Variants in EXOC2 observed in about 807,000 individuals in gnomAD.
EXOC2 encodes the protein exocyst complex component 2, also known as SEC5-like 1.
EXOC2 carries 70 observed loss-of-function variants against 131.8 expected under a neutral mutation model. The observed-to-expected ratio is 0.53, with a 90% CI of 0.44 to 0.65. EXOC2 has a LOEUF of 0.65. Ranked by LOEUF, EXOC2 falls within the 30% of genes least tolerant of loss-of-function variation. EXOC2 has a pLI of 0.00. For synonymous variants in EXOC2, 411 were observed against 398.4 expected (o/e 1.03, Z -0.38); for missense variants, 923 against 1,108.6 (o/e 0.83, Z 2.38).
intron 26 of EXOC2, among the ~76,000 whole-genome samples, chr6:490,500 T>A (rs1398010113): frequency 6.6e-6 from 1 of 152,218 alleles, no homozygotes; most frequent in East Asian, 1.9e-4. Context: ...GTTGCAAAGC[T>A]GACAGAATGA....
At position 623,712 on chromosome 6, in the gene EXOC2, G is replaced by A. The variant is rs73371994; in HGVS notation, c.423-4169C>T. ...AGAGATCAACCACCATAAGCCAACC[G>A]CGCTTGTCATATTCCCCCTGCTCTT... On this transcript the variant is annotated intron_variant, in intron 4 of 27. Transcript: ENST00000230449. Among the ~76,000 whole-genome samples the A allele has an allele frequency of 3.8e-3, 574 of 152,264 alleles. 2 individuals carry two copies. The highest frequency in any genetic ancestry group is 0.013 in the African/African-American group (551 of 41,548).
chr6:689,913 G>C (rs1764838209), intron 1 of EXOC2, among the ~76,000 whole-genome samples: 1 of 152,186 alleles, frequency 6.6e-6, no homozygotes, highest in Non-Finnish European at 1.5e-5. Context: ...TAATCTAACT[G>C]CATGTATTCT....
At chr6:542,321 G>C (rs866003134) in intron 22 of EXOC2, among the ~76,000 whole-genome samples, 2 of 152,198 alleles carry the variant, frequency 1.3e-5, no homozygotes, top group African/African-American at 4.8e-5. Flanking sequence ...ATCTAGAAAA[G>C]AAGTGCATCT....
At position 667,896 on chromosome 6, in the gene EXOC2, TCCATCC is replaced by T. The variant is rs1337382206; in HGVS notation, c.-44+25117_-44+25122del. On this transcript the variant is annotated intron_variant, in intron 1 of 27. Coordinates refer to ENST00000230449, the MANE Select transcript of EXOC2 (RefSeq NM_018303.6). ...ATCCATCCATCCATCCATCCATCCA[TCCATCC>T]ATCCATCCATCCGTCCATATCCTGT... Among the ~76,000 whole-genome samples, 130 of 152,040 alleles carry T rather than the reference TCCATCC, an allele frequency of 8.6e-4. 1 individual carries two copies. Among genetic ancestry groups the T allele is most frequent in the African/African-American group, 3.0e-3 (124 of 41,474 alleles).
At chr6:596,726 C>A (rs2127636684) in intron 10 of EXOC2, among the ~76,000 whole-genome samples, 1 of 152,274 alleles carries the variant, frequency 6.6e-6, no homozygotes, top group South Asian at 2.1e-4. Context: ...AATACATAGT[C>A]TGTCATTTTA....
chr6:508,441 C>T (rs1463867630), intron 23 of EXOC2, among the ~76,000 whole-genome samples: 1 of 152,226 alleles, frequency 6.6e-6, no homozygotes, highest in East Asian at 1.9e-4. Flanking sequence ...TAAAACTCCT[C>T]TGTGCTCCCT....
chr6:609,220 CG>C (rs1760588498), intron 7 of EXOC2, among the ~76,000 whole-genome samples: 3 of 152,166 alleles, frequency 2.0e-5, no homozygotes, highest in Admixed American at 2.0e-4. Context: ...TCACTTAAGC[CG>C]GAAGGGCAAA....
At chr6:540,893 A>G (rs2473486) in intron 22 of EXOC2, among the ~76,000 whole-genome samples, 29,384 of 152,204 alleles carry the variant, frequency 0.19, 3,837 homozygotes, top group African/African-American at 0.37. Context: ...GTATCTAAAA[A>G]GGAGCCAAGG....
intron 1 of EXOC2, among the ~76,000 whole-genome samples, chr6:650,049 T>C (rs1762762804): frequency 6.6e-6 from 1 of 152,226 alleles, no homozygotes; most frequent in Non-Finnish European, 1.5e-5. Context: ...GCAAAGGACA[T>C]CTTCAAACAA....
intron 11 of EXOC2, among the ~76,000 whole-genome samples, chr6:584,116 T>C (rs1759070055): frequency 6.6e-6 from 1 of 152,230 alleles, no homozygotes; most frequent in Non-Finnish European, 1.5e-5. Flanking sequence ...TTAGCACATA[T>C]ACAACAATAC....
rs1581282040 is a variant in EXOC2 at position 491,229 on chromosome 6, A to C, written c.2560-43T>G. 8.1e-6 allele frequency: 13 copies of C among 1,598,344 alleles called. No homozygotes were observed. The East Asian group carries it at 2.9e-4, about 36-fold the overall frequency. On this transcript the variant is annotated intron_variant, in intron 25 of 27. Transcript: ENST00000230449. The stretch of plus-strand genomic sequence containing the variant: ...ACAAAGTGACAACAGGAAAATTTAT[A>C]TTATCAAATATAAACAAGTACTAAG...
At chr6:510,958 A>G (rs535980102) in intron 23 of EXOC2, among the ~76,000 whole-genome samples, 1 of 152,368 alleles carries the variant, frequency 6.6e-6, no homozygotes, top group East Asian at 1.9e-4. Flanking sequence ...ATACTACTTC[A>G]TAAACAGGCC....
At chr6:586,703 G>A (rs924839187) in intron 11 of EXOC2, among the ~76,000 whole-genome samples, 9 of 152,212 alleles carry the variant, frequency 5.9e-5, no homozygotes, top group African/African-American at 2.2e-4. Context: ...ATGTAACTCA[G>A]AGGGAGGTGT....
At chr6:618,585 T>C (rs899536364) in intron 5 of EXOC2, among the ~76,000 whole-genome samples, 6 of 152,170 alleles carry the variant, frequency 3.9e-5, no homozygotes, top group African/African-American at 1.4e-4. Context: ...AATGAAAAAA[T>C]TCATCTTGGA....
chr6:537,308 A>G (rs1286312914), intron 22 of EXOC2, among the ~76,000 whole-genome samples: 1 of 151,520 alleles, frequency 6.6e-6, no homozygotes, highest in African/African-American at 2.4e-5. Flanking sequence ...GACGGAGCGC[A>G]CACACGAGAT....
chr6:534,866 C>A (rs1346891540), intron 22 of EXOC2, among the ~76,000 whole-genome samples: 1 of 152,154 alleles, frequency 6.6e-6, no homozygotes. Context: ...ATTAGAGACT[C>A]CCTGGACATG....
At chr6:520,768 A>ACCACCAC (rs1341911725) in intron 23 of EXOC2, among the ~76,000 whole-genome samples, 2 of 141,292 alleles carry the variant, frequency 1.4e-5, no homozygotes, top group Non-Finnish European at 1.5e-5. Context: ...GGACATGAAA[A>ACCACCAC]CCACCACCCA....
intron 1 of EXOC2, among the ~76,000 whole-genome samples, chr6:666,371 T>C (rs1214320110): frequency 9.9e-6 from 1 of 100,976 alleles, no homozygotes. Flanking sequence ...GATGCAAAAT[T>C]GAGCAAATGA....
intron 11 of EXOC2, among the ~76,000 whole-genome samples, chr6:579,631 T>C (rs552325261): frequency 1.3e-5 from 2 of 152,390 alleles, no homozygotes; most frequent in African/African-American, 2.4e-5. Context: ...CTAACACTCG[T>C]ACTTTTCTTA....
Sources: allele counts gnomAD v4.1 joint callset (sites outside exome capture counted in the v4.1 genomes callset), GRCh38; gene constraint gnomAD v4.1.1; transcripts MANE v1.5; gene names NCBI Gene and HGNC (gene_info 2026-07-23, HGNC 2026-07-21).